The following ARHGEF12 variants were observed in gnomAD, a reference collection of about 807,000 sequenced individuals.
ARHGEF12 encodes the protein Rho guanine nucleotide exchange factor 12, also known as KMT2A/ARHGEF12 fusion protein.
In ARHGEF12, 66 loss-of-function variants were observed where a neutral mutation model predicts 211.2. The observed-to-expected ratio is 0.31, with a 90% CI of 0.26 to 0.38. ARHGEF12 has a LOEUF of 0.38. ARHGEF12 is among the 10% of genes least tolerant of loss of function. ARHGEF12 has a pLI of 1.00. For synonymous variants in ARHGEF12, 592 were observed against 638.4 expected (o/e 0.93, Z 1.09); for missense variants, 1,429 against 1,869.5 (o/e 0.76, Z 4.34).
At chr11:120,428,021 C>T (rs1945401644) in intron 7 of ARHGEF12, 48 bp from the exon 8 acceptor site, 1 of 1,456,820 alleles carries the variant, frequency 6.9e-7, no homozygotes, top group Non-Finnish European at 9.1e-7. Flanking sequence ...AGTTTCTTGA[C>T]AATGTTATTT....
chr11:120,407,457 G>A (rs11217859), intron 2 of ARHGEF12, among the ~76,000 whole-genome samples: 1 of 151,890 alleles, frequency 6.6e-6, no homozygotes, highest in Non-Finnish European at 1.5e-5. Context: ...GTATTGACCT[G>A]TGAAAACCAC....
chr11:120,339,005 C>CTTTTTTTTTTTTTTTTTTT (rs906260027), intron 1 of ARHGEF12, among the ~76,000 whole-genome samples: 9 of 121,982 alleles, frequency 7.4e-5, no homozygotes, highest in African/African-American at 9.3e-5. Flanking sequence ...TTTTCTTTTT[C>CTTTTTTTTTTTTTTTTTTT]TTTTTTTTTT....
At chr11:120,371,831 T>C (rs1392607465) in intron 1 of ARHGEF12, among the ~76,000 whole-genome samples, 1 of 152,158 alleles carries the variant, frequency 6.6e-6, no homozygotes, top group African/African-American at 2.4e-5. Flanking sequence ...CCCATTAAAT[T>C]AAAAAAATAC....
intron 1 of ARHGEF12, chr11:120,337,758 T>C (rs1279457140): frequency 3.0e-6 from 3 of 985,352 alleles, no homozygotes; most frequent in Non-Finnish European, 3.6e-6. Flanking sequence ...CTCTTTCAGA[T>C]GTTGACCTGC....
At chr11:120,391,101 T>G (rs951650902) in intron 1 of ARHGEF12, among the ~76,000 whole-genome samples, 9 of 152,184 alleles carry the variant, frequency 5.9e-5, no homozygotes, top group African/African-American at 1.7e-4. Context: ...AAATGTAGTT[T>G]GAGGCTTTTG....
intron 1 of ARHGEF12, among the ~76,000 whole-genome samples, chr11:120,396,776 T>C (rs1044283289): frequency 3.3e-5 from 5 of 152,214 alleles, no homozygotes; most frequent in African/African-American, 4.8e-5. Flanking sequence ...TTCTTAGGTA[T>C]GATACCATAA....
chr11:120,480,527 G>A, intron 38 of ARHGEF12, 97 bp downstream of exon 38: 1 of 1,139,660 alleles, frequency 8.8e-7, no homozygotes, highest in Non-Finnish European at 1.2e-6. Context: ...CCAGGTGTGT[G>A]TGTGTGTGTG....
chr11:120,442,037 G>A (rs723937), intron 14 of ARHGEF12, 67 bp from the exon 15 acceptor site: 477,678 of 1,168,586 alleles, frequency 0.41, 100,319 homozygotes, highest in African/African-American at 0.62. Context: ...CTACTCAATG[G>A]TGACCTAGCA....
intron 16 of ARHGEF12, among the ~76,000 whole-genome samples, 158 bp downstream of exon 16, chr11:120,445,622 G>T (rs1432739615): frequency 6.6e-6 from 1 of 152,204 alleles, no homozygotes; most frequent in Non-Finnish European, 1.5e-5. Context: ...AATGAGGCCG[G>T]GCGTAGTGGC....
At chr11:120,476,785 AT>A (rs774887009) in intron 34 of ARHGEF12, 37 bp downstream of exon 34, 2 of 1,471,084 alleles carry the variant, frequency 1.4e-6, no homozygotes, top group Non-Finnish European at 1.9e-6. Context: ...TATAGCTAAT[AT>A]TTTCATTATC....
At chr11:120,467,867 A>C (rs1946754460) in intron 29 of ARHGEF12, among the ~76,000 whole-genome samples, 1 of 152,102 alleles carries the variant, frequency 6.6e-6, no homozygotes, top group African/African-American at 2.4e-5. Context: ...TGTTTTTGTA[A>C]ATAAAGTTTT....
chr11:120,462,782 A>G (rs1216171835), intron 27 of ARHGEF12: 1 of 152,240 alleles, frequency 6.6e-6, no homozygotes, highest in Non-Finnish European at 1.5e-5. Context: ...TTGTTTCCTT[A>G]AGATCACTTT....
intron 4 of ARHGEF12, among the ~76,000 whole-genome samples, chr11:120,415,601 A>G (rs1477768233): frequency 6.6e-6 from 1 of 152,352 alleles, no homozygotes; most frequent in East Asian, 1.9e-4. Context: ...CTGGTCAACA[A>G]ATAGAATATT....
At chr11:120,388,750 TC>T (rs1268720216) in intron 1 of ARHGEF12, among the ~76,000 whole-genome samples, 3 of 152,244 alleles carry the variant, frequency 2.0e-5, no homozygotes, top group Non-Finnish European at 2.9e-5. Context: ...TGTTTTATCA[TC>T]CATACTTCTT....
chr11:120,345,247 C>A (rs1246268101), intron 1 of ARHGEF12, among the ~76,000 whole-genome samples: 1 of 152,172 alleles, frequency 6.6e-6, no homozygotes, highest in Non-Finnish European at 1.5e-5. Context: ...ACTGTATTCT[C>A]TCCCTTGAAC....
chr11:120,463,073 T>G (rs540081085), intron 27 of ARHGEF12: 32 of 152,388 alleles, frequency 2.1e-4, no homozygotes, highest in African/African-American at 7.5e-4. Context: ...ATGCAAGTGT[T>G]CTGAGCACAT....
chr11:120,424,215 T>C, intron 6 of ARHGEF12, 143 bp from the exon 7 acceptor site: 1 of 524,580 alleles, frequency 1.9e-6, no homozygotes, highest in East Asian at 3.2e-5. Context: ...TGAAAATGAA[T>C]ATTGAATCAA....
At chr11:120,362,661 A>G (rs1943308872) in intron 1 of ARHGEF12, among the ~76,000 whole-genome samples, 1 of 152,230 alleles carries the variant, frequency 6.6e-6, no homozygotes, top group Non-Finnish European at 1.5e-5. Context: ...CAAAACAATT[A>G]TTATTTGGAA....
intron 26 of ARHGEF12, among the ~76,000 whole-genome samples, chr11:120,459,799 C>T (rs1427604673): frequency 2.6e-5 from 4 of 152,230 alleles, no homozygotes; most frequent in East Asian, 3.9e-4. Context: ...ACCTCTGCCC[C>T]CTGGGTTCAA....
Sources: allele counts gnomAD v4.1 joint callset (sites outside exome capture counted in the v4.1 genomes callset), GRCh38; gene constraint gnomAD v4.1.1; transcripts MANE v1.5; gene names NCBI Gene and HGNC (gene_info 2026-07-23, HGNC 2026-07-21).